PUDP: variants seen among roughly 807,000 people sequenced by gnomAD.
PUDP encodes pseudouridine-5'-phosphatase.
In PUDP, 8 loss-of-function variants were observed where a neutral mutation model predicts 9.4. That is an observed-to-expected ratio of 0.85 (90% CI 0.50 to 1.53). The LOEUF (loss-of-function observed/expected upper bound fraction) is 1.53, where lower values mean the gene tolerates loss of function less well. PUDP is among the 40% of genes most tolerant of loss of function. The pLI is 0.00. For synonymous variants in PUDP, 99 were observed against 80.7 expected (o/e 1.23, Z -1.22); for missense variants, 188 against 189.7 (o/e 0.99, Z 0.05).
chrX:7,106,516 C>T (rs996524056), intron 1 of PUDP, among the ~76,000 whole-genome samples: 1 of 112,372 alleles, frequency 8.9e-6, no homozygotes, highest in Admixed American at 9.4e-5. Context: ...CACTAATATA[C>T]GCTAGATTAC....
chrX:7,008,130 A>T (rs773297168), intron 1 of PUDP, among the ~76,000 whole-genome samples: 1 of 108,619 alleles, frequency 9.2e-6, no homozygotes, highest in Non-Finnish European at 1.9e-5. Flanking sequence ...CGCGCAGCTA[A>T]TTTTTTTGTA....
At chrX:6,718,975 G>A (rs1304258477) in intron 1 of PUDP, among the ~76,000 whole-genome samples, 2 of 111,070 alleles carry the variant, frequency 1.8e-5, no homozygotes, top group Admixed American at 1.9e-4. Context: ...ACTTGCAGAA[G>A]CACGAGAGGA....
chrX:7,109,482 G>C (rs1052430473), intron 1 of PUDP, among the ~76,000 whole-genome samples: 1 of 112,097 alleles, frequency 8.9e-6, no homozygotes, highest in South Asian at 3.7e-4. Context: ...AAGGAGTGTG[G>C]ACAAAGGCAG....
At chrX:6,950,952 G>GT (rs10577411) in intron 3 of PUDP, among the ~76,000 whole-genome samples, 1,786 of 102,445 alleles carry the variant, frequency 0.017, 41 homozygotes, top group African/African-American at 0.058. Flanking sequence ...TTGGTTGTGT[G>GT]TTTTTTTTTT....
intron 1 of PUDP, among the ~76,000 whole-genome samples, chrX:7,009,072 A>T (rs749812339): frequency 8.9e-6 from 1 of 112,690 alleles, no homozygotes; most frequent in African/African-American, 3.2e-5. Context: ...AATCTCTATC[A>T]CATATGAAAT....
intron 3 of PUDP, among the ~76,000 whole-genome samples, chrX:6,851,900 T>C (rs1160966249): frequency 8.9e-6 from 1 of 111,973 alleles, no homozygotes; most frequent in Non-Finnish European, 1.9e-5. Context: ...CCCAGAAACC[T>C]TTTCCAAGTC....
intron 3 of PUDP, among the ~76,000 whole-genome samples, chrX:6,905,643 T>C (rs1380056598): frequency 1.8e-5 from 2 of 110,908 alleles, no homozygotes; most frequent in African/African-American, 3.3e-5. Context: ...CCTCAACACA[T>C]GAGGATTACA....
intron 3 of PUDP, among the ~76,000 whole-genome samples, chrX:6,778,738 TAGAG>T (rs1261323569): frequency 1.8e-5 from 2 of 111,371 alleles, no homozygotes; most frequent in South Asian, 7.5e-4. Context: ...GAAAGAGAGA[TAGAG>T]AGAGAAAGAC....
Position 6,752,931 on chromosome X carries a change from C to A in PUDP, c.*248-46465G>T, listed in dbSNP as rs188362067. Among the ~76,000 whole-genome samples the A allele has an allele frequency of 8.1e-5, 9 of 111,433 alleles. 1 individual carries two copies. The East Asian group carries it at 2.5e-3, about 31-fold the overall frequency. On this transcript the variant is annotated intron_variant and NMD_transcript_variant, in intron 3 of 3. Coordinates refer to the PUDP transcript ENST00000655425. ...ATATGTGTAATTAGTTAAATATATGCATATAGATAGAAATACAATTTATAT... is the reference window on the plus strand; with the variant it reads ...ATATGTGTAATTAGTTAAATATATGAATATAGATAGAAATACAATTTATAT...
intron 1 of PUDP, among the ~76,000 whole-genome samples, chrX:6,980,098 T>TTTCC (rs745385509): frequency 1.3e-3 from 135 of 107,648 alleles, no homozygotes; most frequent in African/African-American, 2.5e-3. Context: ...CTTCTTCTTC[T>TTTCC]TTCCTTCCTT....
intron 1 of PUDP, chrX:7,116,970 C>T: frequency 8.6e-7 from 1 of 1,167,043 alleles, no homozygotes; most frequent in Middle Eastern, 2.5e-4. Flanking sequence ...GCTTACCCGT[C>T]CACCGTGATT....
chrX:7,130,096 C>A (rs1301123129), intron 1 of PUDP, among the ~76,000 whole-genome samples: 4 of 111,561 alleles, frequency 3.6e-5, no homozygotes, highest in African/African-American at 1.3e-4. Context: ...TAAATAATCT[C>A]CCTACCCCAG....
At chrX:7,037,729 A>G (rs1195563353) in intron 1 of PUDP, among the ~76,000 whole-genome samples, 1 of 111,641 alleles carries the variant, frequency 9.0e-6, no homozygotes. Context: ...GAAATGAGAC[A>G]AAAATATACT....
rs1179944536 is a variant in PUDP, at chrX:6,713,741, G to A, written n.129-7275C>T. On this transcript the variant is annotated intron_variant and non_coding_transcript_variant, in intron 1 of 2. Coordinates refer to the PUDP transcript ENST00000438499. ...ACACAACCAGGCCAGGGCATAGGGT[G>A]TGGTCTGGGAGCCCGGGAAGGGACT... Among the ~76,000 whole-genome samples the A allele has an allele frequency of 2.7e-5, 3 of 110,852 alleles. No homozygotes were observed. The Admixed American group carries it at 2.9e-4, about 11-fold the overall frequency.
rs745470951 is a variant in PUDP, at chrX:6,884,661, C to T, written c.*247+92472G>A. On this transcript the variant is annotated intron_variant and NMD_transcript_variant, in intron 3 of 3. Transcript: ENST00000655425. ...ATACTATTGCCTGCAGCTCTCCAAC[C>T]GAAAGCGCTAAGCCCAGAAACAGGT... Among the ~76,000 whole-genome samples the T allele has an allele frequency of 1.8e-3, 200 of 111,729 alleles. 1 individual carries two copies. The highest frequency in any genetic ancestry group is 5.9e-3 in the African/African-American group (183 of 30,803).
At chrX:6,855,691 T>A (rs1285910196) in intron 3 of PUDP, among the ~76,000 whole-genome samples, 1 of 112,125 alleles carries the variant, frequency 8.9e-6, no homozygotes, top group African/African-American at 3.2e-5. Context: ...TTGGGGATAG[T>A]GGAGGAAGAA....
intron 1 of PUDP, among the ~76,000 whole-genome samples, chrX:6,710,770 G>A (rs761107821): frequency 7.4e-4 from 83 of 111,763 alleles, no homozygotes; most frequent in African/African-American, 2.5e-3. Flanking sequence ...CAAAGGTCTG[G>A]GGTTTTTCTG....
rs763973282 is a variant in PUDP, at chrX:6,870,868, CTT to C, written c.*247+106263_*247+106264del. 2.3e-4 allele frequency among the ~76,000 whole-genome samples: 26 copies of C among 111,390 alleles called. No individual in the cohort carries two copies. The South Asian group carries it at 9.6e-3, about 41-fold the overall frequency. ...GAGGTTTTTTTTATAGAGACCGAAT[CTT>C]TCTGTTTCCCAGGCTGGAGTGCACT... On this transcript the variant is annotated intron_variant and NMD_transcript_variant, in intron 3 of 3. Coordinates refer to the PUDP transcript ENST00000655425.
At chrX:7,008,518 A>G (rs747445763) in intron 1 of PUDP, among the ~76,000 whole-genome samples, 1 of 111,285 alleles carries the variant, frequency 9.0e-6, no homozygotes, top group East Asian at 2.8e-4. Context: ...ACTGGCATTC[A>G]AAGAAATATT....
Sources: gnomAD v4.1 joint callset for allele counts (sites outside exome capture counted in the v4.1 genomes callset) on GRCh38, gnomAD v4.1.1 for gene constraint, MANE v1.5 for transcripts, NCBI Gene and HGNC (gene_info 2026-07-23, HGNC 2026-07-21) for gene names.